Variants in MAGI3 observed in about 807,000 individuals in gnomAD.
The protein encoded by MAGI3 is membrane associated guanylate kinase, WW and PDZ domain containing 3.
MAGI3 carries 43 observed loss-of-function variants against 121.8 expected under a neutral mutation model. The ratio of observed to expected loss-of-function variants is 0.35; its 90% CI spans 0.28 to 0.46. MAGI3 has a LOEUF of 0.46. Ranked by LOEUF, MAGI3 falls within the 20% of genes least tolerant of loss-of-function variation. MAGI3 has a pLI of 1.00. For missense variants in MAGI3, 1,547 were observed against 1,797.3 expected (o/e 0.86, Z 2.52); for synonymous variants, 553 against 639.3 (o/e 0.86, Z 2.04).
intron 2 of MAGI3, among the ~76,000 whole-genome samples, chr1:113,572,121 T>C (rs1270694157): frequency 6.6e-6 from 1 of 152,132 alleles, no homozygotes; most frequent in African/African-American, 2.4e-5. Context: ...TGAATATTAT[T>C]GAAGGCCTTT....
chr1:113,543,121 G>A (rs1355723795), intron 1 of MAGI3, among the ~76,000 whole-genome samples: 1 of 151,946 alleles, frequency 6.6e-6, no homozygotes, highest in Non-Finnish European at 1.5e-5. Flanking sequence ...TCTTGTTCTT[G>A]TCTCATTCCT....
At position 113,641,963 on chromosome 1, in the gene MAGI3, A is replaced by G. The variant is rs753755302; in HGVS notation, c.1413A>G (p.Ala471=). The part of the protein sequence containing the change: ...NGNCVLGHTH[A]DVVQMFQLVP... ...ACTGTGTCCTCGGTCACACTCATGC[A>G]GATGTTGTCCAGATGTTTCAATTGG... The change falls in exon 10 of 21, where the codon GCA becomes GCG. Residue 471 remains alanine, a synonymous_variant. Coordinates refer to ENST00000307546, the MANE Select transcript of MAGI3 (RefSeq NM_001142782.2). The G allele has an allele frequency of 6.2e-7, 1 of 1,611,412 alleles. No individual in the cohort carries two copies. The highest frequency in any genetic ancestry group is 2.2e-5 in the East Asian group (1 of 44,774).
chr1:113,561,104 T>C (rs1328996633), intron 2 of MAGI3, among the ~76,000 whole-genome samples: 1 of 152,180 alleles, frequency 6.6e-6, no homozygotes, highest in East Asian at 1.9e-4. Flanking sequence ...TAGCCAGTTC[T>C]GAAATTGAGG....
chr1:113,479,570 G>A (rs1656015093), intron 1 of MAGI3, among the ~76,000 whole-genome samples: 1 of 152,042 alleles, frequency 6.6e-6, no homozygotes, highest in South Asian at 2.1e-4. Flanking sequence ...AATGTGTCTT[G>A]GTAAAGATCT....
intron 16 of MAGI3, among the ~76,000 whole-genome samples, chr1:113,667,610 T>G (rs958829738): frequency 6.6e-6 from 1 of 152,230 alleles, no homozygotes; most frequent in African/African-American, 2.4e-5. Context: ...CACTCATTTG[T>G]TCACTGGAGT....
chr1:113,545,651 A>G (rs1191285965), intron 1 of MAGI3, among the ~76,000 whole-genome samples: 1 of 152,178 alleles, frequency 6.6e-6, no homozygotes, highest in African/African-American at 2.4e-5. Flanking sequence ...TGTATGTTGA[A>G]ACTTGAGTTC....
chr1:113,462,047 C>T (rs1655062226), intron 1 of MAGI3, among the ~76,000 whole-genome samples: 1 of 151,190 alleles, frequency 6.6e-6, no homozygotes, highest in Admixed American at 6.6e-5. Flanking sequence ...GAATGGTTAT[C>T]ATTAGTCAAA....
intron 1 of MAGI3, among the ~76,000 whole-genome samples, chr1:113,427,619 T>G (rs1653077800): frequency 6.6e-6 from 1 of 152,228 alleles, no homozygotes; most frequent in Non-Finnish European, 1.5e-5. Context: ...ATTAGTTTGC[T>G]GTCCTCTTAC....
chr1:113,647,978 A>T (rs908890874), intron 12 of MAGI3, among the ~76,000 whole-genome samples: 1 of 150,504 alleles, frequency 6.6e-6, no homozygotes, highest in Non-Finnish European at 1.5e-5. Flanking sequence ...GCTGGAGTGC[A>T]GTGGCACAAT....
chr1:113,431,368 A>G (rs915695262), intron 1 of MAGI3, among the ~76,000 whole-genome samples: 8 of 152,148 alleles, frequency 5.3e-5, no homozygotes, highest in Non-Finnish European at 7.4e-5. Context: ...AAGTTATTTA[A>G]AATATATCTT....
At chr1:113,511,068 G>A (rs943061639) in intron 1 of MAGI3, among the ~76,000 whole-genome samples, 2 of 152,198 alleles carry the variant, frequency 1.3e-5, no homozygotes, top group Non-Finnish European at 2.9e-5. Flanking sequence ...CCATTGTGGG[G>A]ACTTGACATG....
At chr1:113,575,260 G>A (rs1647552148) in intron 2 of MAGI3, among the ~76,000 whole-genome samples, 1 of 152,170 alleles carries the variant, frequency 6.6e-6, no homozygotes, top group East Asian at 1.9e-4. Flanking sequence ...ATTTGGAGGA[G>A]AAGAAGCATT....
chr1:113,482,624 A>G (rs1327086801), intron 1 of MAGI3, among the ~76,000 whole-genome samples: 1 of 146,414 alleles, frequency 6.8e-6, no homozygotes, highest in Non-Finnish European at 1.5e-5. Flanking sequence ...AGTGTGAGCC[A>G]CTGCACCAGA....
intron 9 of MAGI3, among the ~76,000 whole-genome samples, chr1:113,633,935 G>C (rs1176514137): frequency 6.6e-6 from 1 of 152,068 alleles, no homozygotes; most frequent in Non-Finnish European, 1.5e-5. Context: ...ATTCTAACTG[G>C]TGTGAGATGG....
chr1:113,630,640 C>G (rs1476322040), intron 9 of MAGI3, among the ~76,000 whole-genome samples: 1 of 152,212 alleles, frequency 6.6e-6, no homozygotes, highest in Admixed American at 6.5e-5. Flanking sequence ...ATTGGTTATT[C>G]AGGGCCCAGG....
At chr1:113,514,620 T>G (rs2101617564) in intron 1 of MAGI3, among the ~76,000 whole-genome samples, 1 of 151,312 alleles carries the variant, frequency 6.6e-6, no homozygotes, top group South Asian at 2.1e-4. Flanking sequence ...CTCTGAGGAC[T>G]GTTGTGGGGT....
intron 16 of MAGI3, among the ~76,000 whole-genome samples, chr1:113,660,173 T>C (rs1279571037): frequency 6.6e-6 from 1 of 152,186 alleles, no homozygotes; most frequent in Non-Finnish European, 1.5e-5. Flanking sequence ...TAGGGGTTAT[T>C]TCTGCATGGA....
At chr1:113,513,734 A>G (rs1657737751) in intron 1 of MAGI3, among the ~76,000 whole-genome samples, 1 of 152,226 alleles carries the variant, frequency 6.6e-6, no homozygotes, top group Non-Finnish European at 1.5e-5. Flanking sequence ...CTTCATGTCT[A>G]AAACACCAAA....
At chr1:113,514,965 A>C (rs1657814161) in intron 1 of MAGI3, among the ~76,000 whole-genome samples, 1 of 152,108 alleles carries the variant, frequency 6.6e-6, no homozygotes, top group Non-Finnish European at 1.5e-5. Context: ...GTTCTGGGTC[A>C]GTGCCCTTAT....
Sources: gnomAD v4.1 joint callset for allele counts (sites outside exome capture counted in the v4.1 genomes callset) on GRCh38, gnomAD v4.1.1 for gene constraint, MANE v1.5 for transcripts, NCBI Gene and HGNC (gene_info 2026-07-23, HGNC 2026-07-21) for gene names.